The following SPSB4 variants were observed in gnomAD, a reference collection of about 807,000 sequenced individuals.
SPSB4 encodes SPRY domain-containing SOCS box protein 4.
A neutral mutation model predicts 20.9 loss-of-function variants in SPSB4; 21 were observed. The observed-to-expected ratio is 1.01, with a 90% confidence interval of 0.71 to 1.45. SPSB4 has a LOEUF of 1.45. Among genes scored for constraint, SPSB4 ranks in the 40% most tolerant of loss-of-function variants. The pLI is 0.00. For missense variants in SPSB4, 399 were observed against 399.2 expected, an observed-to-expected ratio of 1.00 and a Z score of 0.00; for synonymous variants, 207 against 183.8, an observed-to-expected ratio of 1.13 and a Z score of -1.02.
intron 1 of SPSB4, among the ~76,000 whole-genome samples, chr3:141,063,466 A>G (rs768200290): frequency 6.6e-6 from 1 of 152,046 alleles, no homozygotes; most frequent in Non-Finnish European, 1.5e-5. Context: ...TTTATTTTGT[A>G]TTATGTTCAA....
chr3:141,080,600 G>C (rs1938212422), intron 2 of SPSB4, among the ~76,000 whole-genome samples: 1 of 152,242 alleles, frequency 6.6e-6, no homozygotes, highest in Non-Finnish European at 1.5e-5. Flanking sequence ...CAGCACCAGG[G>C]CAGGGCTCTG....
chr3:141,121,472 G>C (rs894757762), intron 2 of SPSB4, among the ~76,000 whole-genome samples: 28 of 152,184 alleles, frequency 1.8e-4, no homozygotes, highest in African/African-American at 4.3e-4. Context: ...TTGCTAGGTT[G>C]GGGAAGTTCT....
intron 2 of SPSB4, chr3:141,132,125 A>G: frequency 2.7e-6 from 1 of 367,194 alleles, no homozygotes; most frequent in Non-Finnish European, 5.3e-6. Context: ...TTTATCCCTC[A>G]ACCCCCTCCC....
At chr3:141,125,542 T>C (rs1387097808) in intron 2 of SPSB4, among the ~76,000 whole-genome samples, 1 of 152,214 alleles carries the variant, frequency 6.6e-6, no homozygotes, top group Non-Finnish European at 1.5e-5. Context: ...TTAGTATGAA[T>C]TGAAGTCAAC....
At chr3:141,087,640 A>C (rs1361487305) in intron 2 of SPSB4, among the ~76,000 whole-genome samples, 1 of 152,168 alleles carries the variant, frequency 6.6e-6, no homozygotes, top group Non-Finnish European at 1.5e-5. Flanking sequence ...ACAGCCTCGG[A>C]AGGTCAAGTG....
intron 2 of SPSB4, among the ~76,000 whole-genome samples, chr3:141,089,677 G>A (rs1286185732): frequency 6.6e-6 from 1 of 152,212 alleles, no homozygotes; most frequent in Non-Finnish European, 1.5e-5. Context: ...GCCTGTGCCA[G>A]CAGCCTCAGG....
intron 2 of SPSB4, among the ~76,000 whole-genome samples, chr3:141,138,529 G>A (rs1443144805): frequency 6.6e-6 from 1 of 152,044 alleles, no homozygotes; most frequent in Non-Finnish European, 1.5e-5. Context: ...ATTCTGATAT[G>A]TTGTGTCTTT....
chr3:141,095,915 T>C (rs1938540976), intron 2 of SPSB4, among the ~76,000 whole-genome samples: 1 of 152,058 alleles, frequency 6.6e-6, no homozygotes, highest in African/African-American at 2.4e-5. Flanking sequence ...GCACAGGTCT[T>C]CCTCATCCAT....
At chr3:141,139,453 T>C (rs1293334599) in intron 2 of SPSB4, among the ~76,000 whole-genome samples, 1 of 152,266 alleles carries the variant, frequency 6.6e-6, no homozygotes, top group Non-Finnish European at 1.5e-5. Context: ...CAACTTGGCA[T>C]GTTTTTGCAG....
chr3:141,066,127 G>T lies in SPSB4; in HGVS notation c.23G>T (p.Ser8Ile). 1 of 1,531,074 alleles carries T rather than the reference G, an allele frequency of 6.5e-7. No individual in the cohort carries two copies. Among genetic ancestry groups the T allele is most frequent in the Non-Finnish European group, 8.8e-7 (1 of 1,141,938 alleles). 94.8% of individuals were successfully genotyped at this position (1,531,074 alleles called of 1,614,324 possible). MGQKLSG[S>I]LKSVEVREPA... The stretch of plus-strand genomic sequence containing the variant: ...AGCATGGGCCAGAAGCTCTCGGGGA[G>T]CCTCAAGTCAGTGGAGGTGCGAGAG... The change falls in exon 2 of 3, where the codon AGC (serine) becomes ATC (isoleucine). Residue 8 changes from serine (S) to isoleucine (I), a missense_variant. Physicochemically the swap from Ser to Ile is moderately radical, Grantham distance 142. Transcript: ENST00000310546.
intron 2 of SPSB4, among the ~76,000 whole-genome samples, chr3:141,142,689 G>A (rs1939350471): frequency 6.7e-6 from 1 of 149,290 alleles, no homozygotes; most frequent in African/African-American, 2.5e-5. Flanking sequence ...CTTATGTCTA[G>A]TCATAATTGT....
intron 2 of SPSB4, among the ~76,000 whole-genome samples, chr3:141,067,493 TGC>T (rs1937909884): frequency 6.6e-6 from 1 of 152,228 alleles, no homozygotes; most frequent in Non-Finnish European, 1.5e-5. Flanking sequence ...AGTTGACAGC[TGC>T]TGAAAAGTCT....
chr3:141,112,506 G>A (rs1024548510), intron 2 of SPSB4, among the ~76,000 whole-genome samples: 3 of 150,380 alleles, frequency 2.0e-5, no homozygotes, highest in Admixed American at 6.6e-5. Context: ...TTAGCCGGGC[G>A]TAGTGGCGGG....
intron 2 of SPSB4, among the ~76,000 whole-genome samples, chr3:141,140,617 G>A (rs1032204229): frequency 3.3e-5 from 5 of 152,210 alleles, no homozygotes; most frequent in Admixed American, 6.5e-5. Context: ...GTTTGCCTGG[G>A]TATCAGCAGC....
At chr3:141,095,747 G>T (rs528316027) in intron 2 of SPSB4, among the ~76,000 whole-genome samples, 12 of 152,274 alleles carry the variant, frequency 7.9e-5, no homozygotes, top group Admixed American at 7.2e-4. Flanking sequence ...GGTGGAGCTG[G>T]CACTGTGGGC....
intron 2 of SPSB4, among the ~76,000 whole-genome samples, chr3:141,075,865 G>A (rs1222947443): frequency 7.7e-6 from 1 of 129,188 alleles, no homozygotes; most frequent in Non-Finnish European, 1.6e-5. Context: ...TGTCCAACAC[G>A]ACGAAACCCT....
intron 2 of SPSB4, among the ~76,000 whole-genome samples, chr3:141,140,938 C>T (rs573200129): frequency 6.6e-6 from 1 of 152,350 alleles, no homozygotes; most frequent in African/African-American, 2.4e-5. Context: ...GTGGAGCCTC[C>T]AGAGGCAGGC....
At chr3:141,106,895 CA>C (rs1418050206) in intron 2 of SPSB4, among the ~76,000 whole-genome samples, 1 of 152,218 alleles carries the variant, frequency 6.6e-6, no homozygotes, top group African/African-American at 2.4e-5. Flanking sequence ...GCCCCTCCTA[CA>C]TACACATTCT....
chr3:141,078,768 G>T (rs190300641), intron 2 of SPSB4, among the ~76,000 whole-genome samples: 1 of 152,350 alleles, frequency 6.6e-6, no homozygotes, highest in East Asian at 1.9e-4. Flanking sequence ...CTCCGCTGCA[G>T]TTCCAGGAGG....
Sources: gnomAD v4.1 joint callset for allele counts (sites outside exome capture counted in the v4.1 genomes callset) on GRCh38, gnomAD v4.1.1 for gene constraint, MANE v1.5 for transcripts, NCBI Gene and HGNC (gene_info 2026-07-23, HGNC 2026-07-21) for gene names.